ROBO2: variants seen among roughly 807,000 people sequenced by gnomAD.
ROBO2 encodes the protein roundabout guidance receptor 2, also known as roundabout homolog 2.
A neutral mutation model predicts 160.8 loss-of-function variants in ROBO2; 53 were observed. The observed-to-expected ratio is 0.33, with a 90% confidence interval of 0.26 to 0.41. The LOEUF is 0.41. Ranked by LOEUF, ROBO2 falls within the 10% of genes least tolerant of loss-of-function variation. The pLI, the probability that ROBO2 is intolerant of heterozygous loss-of-function variation, is 1.00. For synonymous variants in ROBO2, 664 were observed against 611.7 expected, an observed-to-expected ratio of 1.09 and a Z score of -1.26; for missense variants, 1,577 against 1,722.4, an observed-to-expected ratio of 0.92 and a Z score of 1.49.
intron 2 of ROBO2, among the ~76,000 whole-genome samples, chr3:76,436,937 C>T (rs1335012525): frequency 3.3e-5 from 5 of 152,152 alleles, no homozygotes; most frequent in Admixed American, 6.6e-5. Flanking sequence ...TAGCTATGCT[C>T]ATCGACCTAG....
intron 2 of ROBO2, among the ~76,000 whole-genome samples, chr3:77,303,278 A>G (rs902150235): frequency 4.6e-5 from 7 of 152,220 alleles, no homozygotes; most frequent in African/African-American, 1.7e-4. Flanking sequence ...TTAAGTACAG[A>G]TCACACAGAG....
At chr3:76,560,616 C>CAAA (rs1160642120) in intron 2 of ROBO2, among the ~76,000 whole-genome samples, 1 of 108,026 alleles carries the variant, frequency 9.3e-6, no homozygotes, top group Non-Finnish European at 2.0e-5. Context: ...TCTGATTTCA[C>CAAA]AAAAAAAAAA....
intron 1 of ROBO2, among the ~76,000 whole-genome samples, chr3:77,042,065 A>G (rs932920490): frequency 6.6e-6 from 1 of 152,222 alleles, no homozygotes; most frequent in Non-Finnish European, 1.5e-5. Context: ...AAGGCTTTCT[A>G]TAAACATGAG....
intron 2 of ROBO2, among the ~76,000 whole-genome samples, chr3:77,123,007 G>A (rs943932418): frequency 6.6e-6 from 1 of 151,952 alleles, no homozygotes; most frequent in Non-Finnish European, 1.5e-5. Flanking sequence ...TCATTACTTT[G>A]TTATTAAAGG....
chr3:76,461,564 A>G (rs1361500549), intron 2 of ROBO2, among the ~76,000 whole-genome samples: 1 of 152,230 alleles, frequency 6.6e-6, no homozygotes, highest in African/African-American at 2.4e-5. Flanking sequence ...AAGCAAGAAA[A>G]TATCTTTATG....
chr3:75,960,119 G>A (rs1447191904), intron 2 of ROBO2, among the ~76,000 whole-genome samples: 2 of 151,638 alleles, frequency 1.3e-5, no homozygotes, highest in South Asian at 2.1e-4. Flanking sequence ...CCAGGGGCTG[G>A]AAAATTGGGG....
chr3:75,945,500 G>A (rs1948249246), intron 2 of ROBO2, among the ~76,000 whole-genome samples: 1 of 152,110 alleles, frequency 6.6e-6, no homozygotes, highest in Non-Finnish European at 1.5e-5. Context: ...TGGAAAGTTC[G>A]TAGGGACCTT....
intron 1 of ROBO2, among the ~76,000 whole-genome samples, chr3:75,920,422 A>G (rs946593097): frequency 2.2e-4 from 34 of 152,196 alleles, no homozygotes; most frequent in African/African-American, 6.0e-4. Context: ...ATTCTTTTGC[A>G]TTTGCTGAGG....
chr3:76,707,626 A>G (rs2093194669), intron 2 of ROBO2, among the ~76,000 whole-genome samples: 1 of 151,552 alleles, frequency 6.6e-6, no homozygotes, highest in Non-Finnish European at 1.5e-5. Flanking sequence ...ACTAACACCT[A>G]AATACTAAGA....
chr3:76,347,363 A>G (rs1017844675), intron 2 of ROBO2, among the ~76,000 whole-genome samples: 8 of 152,130 alleles, frequency 5.3e-5, no homozygotes, highest in African/African-American at 1.7e-4. Flanking sequence ...TTGAGTTTAA[A>G]CAGTTTAGAA....
At chr3:77,474,182 T>C (rs2083698626) in intron 2 of ROBO2, among the ~76,000 whole-genome samples, 1 of 152,202 alleles carries the variant, frequency 6.6e-6, no homozygotes. Context: ...GGCTATTGTA[T>C]GTTCTTTAAG....
intron 5 of ROBO2, among the ~76,000 whole-genome samples, chr3:77,497,608 G>C (rs1383422003): frequency 6.6e-6 from 1 of 152,050 alleles, no homozygotes; most frequent in Non-Finnish European, 1.5e-5. Flanking sequence ...AACAGCTCTA[G>C]TTATTTTCTT....
At chr3:76,926,530 T>A (rs1283888894) in intron 2 of ROBO2, among the ~76,000 whole-genome samples, 2 of 152,228 alleles carry the variant, frequency 1.3e-5, no homozygotes, top group East Asian at 3.8e-4. Context: ...GGCCTCGCTG[T>A]ACGTTTTATA....
chr3:76,499,550 G>T (rs2080347504), intron 2 of ROBO2, among the ~76,000 whole-genome samples: 1 of 152,114 alleles, frequency 6.6e-6, no homozygotes, highest in African/African-American at 2.4e-5. Context: ...TTATGGAAAA[G>T]AAATCAACTG....
chr3:77,039,988 C>T lies in ROBO2; in HGVS notation c.-798C>T, dbSNP rs1331551312. 9.4e-5 allele frequency: 53 copies of T among 561,572 alleles called. 1 individual carries two copies. The highest frequency in any genetic ancestry group is 1.2e-4 in the Non-Finnish European group (53 of 443,444). 34.8% of individuals were successfully genotyped at this position (561,572 alleles called of 1,614,324 possible). ...CGTCTCTGCTCGCGCCCGCAGCCGCCTGGTGCACTATCCTCAGAGGCGGCA... is the reference window on the plus strand; with the variant it reads ...CGTCTCTGCTCGCGCCCGCAGCCGCTTGGTGCACTATCCTCAGAGGCGGCA... On this transcript the variant is annotated 5_prime_UTR_variant, in exon 1 of 26. Transcript: ENST00000461745.
chr3:76,287,300 C>CT (rs34290531), intron 2 of ROBO2, among the ~76,000 whole-genome samples: 3,267 of 141,962 alleles, frequency 0.023, 69 homozygotes, highest in African/African-American at 0.056. Context: ...TTTTTCTTTT[C>CT]TTTTTTTTTT....
chr3:76,446,333 G>A (rs1394275555), intron 2 of ROBO2, among the ~76,000 whole-genome samples: 1 of 152,100 alleles, frequency 6.6e-6, no homozygotes, highest in Non-Finnish European at 1.5e-5. Context: ...CCACTTACAA[G>A]GGATATGAAG....
At chr3:76,638,131 A>G (rs2090439305) in intron 2 of ROBO2, among the ~76,000 whole-genome samples, 1 of 152,220 alleles carries the variant, frequency 6.6e-6, no homozygotes, top group Admixed American at 6.5e-5. Flanking sequence ...CTTTGTTCAA[A>G]TGAATCCTGC....
intron 2 of ROBO2, among the ~76,000 whole-genome samples, chr3:76,628,328 C>T (rs536233463): frequency 1.3e-5 from 2 of 152,046 alleles, no homozygotes; most frequent in African/African-American, 4.8e-5. Flanking sequence ...CAGCTTACCG[C>T]AACCCCAAAC....
Sources: allele counts gnomAD v4.1 joint callset (sites outside exome capture counted in the v4.1 genomes callset), GRCh38; gene constraint gnomAD v4.1.1; transcripts MANE v1.5; gene names NCBI Gene and HGNC (gene_info 2026-07-23, HGNC 2026-07-21).